SLC35F3: variants seen among roughly 807,000 people sequenced by gnomAD.
The protein encoded by SLC35F3 is putative thiamine transporter SLC35F3.
In SLC35F3, 25 loss-of-function variants were observed where a neutral mutation model predicts 49.9. The observed-to-expected ratio is 0.50, with a 90% confidence interval of 0.37 to 0.70. The LOEUF is 0.70. Among genes scored for constraint, SLC35F3 ranks in the 30% least tolerant of loss-of-function variants. SLC35F3 has a pLI of 0.00. For synonymous variants in SLC35F3, 275 were observed against 265.4 expected (o/e 1.04, Z -0.35); for missense variants, 525 against 639.8 (o/e 0.82, Z 1.94).
chr1:234,154,996 G>C (rs1666129951), intron 2 of SLC35F3, among the ~76,000 whole-genome samples: 1 of 152,142 alleles, frequency 6.6e-6, no homozygotes, highest in African/African-American at 2.4e-5. Flanking sequence ...TGTGTTATTT[G>C]TATATAACCT....
chr1:233,905,385 G>C (rs114010987), intron 1 of SLC35F3, 144 bp from the exon 2 acceptor site: 25,583 of 722,122 alleles, frequency 0.035, 920 homozygotes, highest in East Asian at 0.15. Flanking sequence ...GAAGGGAGGA[G>C]CGCGGGCTCT....
intron 3 of SLC35F3, among the ~76,000 whole-genome samples, chr1:234,254,367 C>T (rs1572117654): frequency 6.6e-6 from 1 of 152,242 alleles, no homozygotes; most frequent in East Asian, 1.9e-4. Context: ...TGGGCCTCTT[C>T]TTTCCAGAGG....
intron 2 of SLC35F3, among the ~76,000 whole-genome samples, chr1:234,218,188 A>T (rs1261611326): frequency 6.6e-6 from 1 of 152,150 alleles, no homozygotes; most frequent in Non-Finnish European, 1.5e-5. Flanking sequence ...TCTCTAATAG[A>T]CTAGTGTTTA....
At position 234,214,065 on chromosome 1, in the gene SLC35F3, A is replaced by T; in HGVS notation, c.284-17352A>T. On this transcript the variant is annotated intron_variant, in intron 2 of 7. Transcript: ENST00000366618. This position sits in a 1 kb window ranked among gnomAD's most constrained non-coding sequence, Gnocchi z 8.0. ...CCTCCGCAGGCGCTGGTCCTTTTAA[A>T]GGGCTTCTCAGAGAGGTGGTGGCCA... 1 of 548,272 alleles carries T rather than the reference A, an allele frequency of 1.8e-6. No homozygotes were observed. Among genetic ancestry groups the T allele is most frequent in the Non-Finnish European group, 2.3e-6 (1 of 427,480 alleles). 34.0% of individuals were successfully genotyped at this position (548,272 alleles called of 1,614,324 possible).
At chr1:234,290,985 G>T (rs141779945) in intron 3 of SLC35F3, among the ~76,000 whole-genome samples, 1 of 152,252 alleles carries the variant, frequency 6.6e-6, no homozygotes, top group African/African-American at 2.4e-5. Context: ...GCCACCAATA[G>T]ATATGACCTT....
intron 2 of SLC35F3, among the ~76,000 whole-genome samples, chr1:234,098,034 TTGGTGG>T (rs1235398541): frequency 1.4e-5 from 2 of 141,796 alleles, no homozygotes; most frequent in African/African-American, 2.7e-5. Flanking sequence ...GGTGACTGTG[TTGGTGG>T]TGGTGGTGGC....
intron 2 of SLC35F3, among the ~76,000 whole-genome samples, chr1:233,938,743 T>G (rs1183601563): frequency 6.6e-6 from 1 of 151,644 alleles, no homozygotes; most frequent in Non-Finnish European, 1.5e-5. Flanking sequence ...TATAGGTGGA[T>G]GGATGGAAAG....
chr1:234,166,543 G>A (rs1666323567), intron 2 of SLC35F3, among the ~76,000 whole-genome samples: 1 of 152,210 alleles, frequency 6.6e-6, no homozygotes, highest in Non-Finnish European at 1.5e-5. Flanking sequence ...CTGTCTGGAA[G>A]CCAAGCTGGG....
In SLC35F3 at chr1:234,151,805, A is replaced by G. The variant is rs562726645; in HGVS notation, c.284-79612A>G. On this transcript the variant is annotated intron_variant, in intron 2 of 7. Coordinates refer to ENST00000366618, the MANE Select transcript of SLC35F3 (RefSeq NM_173508.4). ...TCATAGTAGTTCCTTACAGGATTAA[A>G]AACCCCACAAAATCCAAAGCAATGG... 9.8e-5 allele frequency among the ~76,000 whole-genome samples: 15 copies of G among 152,310 alleles called. No individual in the cohort carries two copies. The South Asian group carries it at 2.9e-3, about 29-fold the overall frequency.
At chr1:234,271,710 C>T (rs922771922) in intron 3 of SLC35F3, among the ~76,000 whole-genome samples, 4 of 152,134 alleles carry the variant, frequency 2.6e-5, no homozygotes, top group African/African-American at 9.7e-5. Context: ...AGACTTTGTA[C>T]ACAAAGAAAA....
chr1:233,916,477 G>T (rs564194971), intron 2 of SLC35F3, among the ~76,000 whole-genome samples: 1 of 152,298 alleles, frequency 6.6e-6, no homozygotes, highest in Admixed American at 6.5e-5. Flanking sequence ...TCACTATGTT[G>T]CCCATGCTTA....
chr1:233,924,938 C>T (rs1205323715), intron 2 of SLC35F3, among the ~76,000 whole-genome samples: 4 of 152,280 alleles, frequency 2.6e-5, no homozygotes, highest in East Asian at 1.9e-4. Context: ...TGTAGATGTG[C>T]GGTTCTGAGT....
At chr1:234,234,625 C>T (rs1667434607) in intron 3 of SLC35F3, among the ~76,000 whole-genome samples, 1 of 151,752 alleles carries the variant, frequency 6.6e-6, no homozygotes, top group South Asian at 2.1e-4. Context: ...CTGATTTTAC[C>T]AAATGTTAGA....
chr1:234,244,653 A>G (rs1667603710), intron 3 of SLC35F3, among the ~76,000 whole-genome samples: 1 of 151,990 alleles, frequency 6.6e-6, no homozygotes, highest in African/African-American at 2.4e-5. Flanking sequence ...CAGGTCTGAA[A>G]TTAGTAGACT....
At chr1:234,019,843 G>C (rs75921097) in intron 2 of SLC35F3, among the ~76,000 whole-genome samples, 3 of 152,290 alleles carry the variant, frequency 2.0e-5, no homozygotes, top group Non-Finnish European at 4.4e-5. Context: ...CATTTCCACT[G>C]TATTTAGCGT....
chr1:234,254,630 G>T (rs972620823), intron 3 of SLC35F3, among the ~76,000 whole-genome samples: 5 of 152,152 alleles, frequency 3.3e-5, no homozygotes, highest in Admixed American at 1.3e-4. Flanking sequence ...TTGCAAACAG[G>T]ATTGTAAAAG....
chr1:234,224,205 T>C (rs1023434400), intron 2 of SLC35F3, among the ~76,000 whole-genome samples: 6 of 152,092 alleles, frequency 3.9e-5, no homozygotes, highest in Non-Finnish European at 8.8e-5. Flanking sequence ...GCTGGGACTA[T>C]AGGCAAGCAC....
At chr1:234,010,261 A>C (rs1663695055) in intron 2 of SLC35F3, among the ~76,000 whole-genome samples, 1 of 152,222 alleles carries the variant, frequency 6.6e-6, no homozygotes, top group Admixed American at 6.5e-5. Flanking sequence ...GTAGGTAATC[A>C]AAGTTATGTT....
chr1:234,142,385 A>G (rs1326649315), intron 2 of SLC35F3, among the ~76,000 whole-genome samples: 1 of 152,166 alleles, frequency 6.6e-6, no homozygotes, highest in Non-Finnish European at 1.5e-5. Context: ...AAAGGAGCTC[A>G]TGCCCACGGC....
Sources: allele counts gnomAD v4.1 joint callset (sites outside exome capture counted in the v4.1 genomes callset), GRCh38; gene constraint gnomAD v4.1.1; non-coding constraint Gnocchi (gnomAD v3.1); transcripts MANE v1.5; gene names NCBI Gene and HGNC (gene_info 2026-07-23, HGNC 2026-07-21).